MILR1: variants seen among roughly 807,000 people sequenced by gnomAD.
MILR1 encodes allergin-1.
In MILR1, 31 loss-of-function variants were observed where a neutral mutation model predicts 18.5. That is an observed-to-expected ratio of 1.68 (90% CI 1.26 to 2.26). The LOEUF is 2.26. Ranked by LOEUF, MILR1 falls within the 30% of genes most tolerant of loss-of-function variation. The pLI, the probability that MILR1 is intolerant of heterozygous loss-of-function variation, is 0.00. For missense variants in MILR1, 257 were observed against 157.4 expected, an observed-to-expected ratio of 1.63 and a Z score of -3.38; for synonymous variants, 85 against 56.2, an observed-to-expected ratio of 1.51 and a Z score of -2.30.
At chr17:64,460,489 C>T (rs993558610) in intron 4 of MILR1, among the ~76,000 whole-genome samples, 1 of 152,108 alleles carries the variant, frequency 6.6e-6, no homozygotes, top group Non-Finnish European at 1.5e-5. Context: ...AGGCACATGC[C>T]ATCACACCTG....
chr17:64,483,006 C>A, the MILR1 span: 1 of 1,508,134 alleles, frequency 6.6e-7, no homozygotes, highest in Non-Finnish European at 9.2e-7. Flanking sequence ...GTACCTAAGG[C>A]AATTAAATGG....
chr17:64,449,374 T>C lies in MILR1; in HGVS notation c.97+19T>C, dbSNP rs2037114039. Reference sequence around the variant, plus strand: ...ACAAATGGTAAGTTTCATTTACTTCTTTCTTATTGAAACCATTTTCACTGA... The same window carrying C: ...ACAAATGGTAAGTTTCATTTACTTCCTTCTTATTGAAACCATTTTCACTGA... On this transcript the variant is annotated intron_variant, in intron 2 of 9. Transcript: ENST00000619286. 2.2e-6 allele frequency: 1 copy of C among 459,592 alleles called. No individual in the cohort carries two copies. The highest frequency in any genetic ancestry group is 3.5e-5 in the Admixed American group (1 of 28,894). 28.5% of individuals were successfully genotyped at this position (459,592 alleles called of 1,614,324 possible).
chr17:64,479,053 C>G, the MILR1 span, among the ~76,000 whole-genome samples: 2 of 152,008 alleles, frequency 1.3e-5, no homozygotes, highest in African/African-American at 4.8e-5. Flanking sequence ...CCACATGGCT[C>G]AAAGGATAAG....
chr17:64,489,433 A>C, the MILR1 span, among the ~76,000 whole-genome samples: 17 of 152,110 alleles, frequency 1.1e-4, no homozygotes, highest in African/African-American at 4.1e-4. Context: ...TTTGAGCAAG[A>C]ATCATCAAGG....
chr17:64,483,094 A>T, the MILR1 span: 1 of 668,056 alleles, frequency 1.5e-6, no homozygotes, highest in Non-Finnish European at 2.7e-6. Flanking sequence ...CACAAGTATT[A>T]ACAAACAGTT....
chr17:64,488,290 C>T, the MILR1 span, among the ~76,000 whole-genome samples: 3 of 152,116 alleles, frequency 2.0e-5, no homozygotes, highest in Admixed American at 1.3e-4. Flanking sequence ...TATTTTATAA[C>T]ATGTTCAACT....
downstream of MILR1, among the ~76,000 whole-genome samples, chr17:64,472,465 CAAAAAAAAAAAAAAAAAAAA>C (rs71158332): frequency 2.2e-4 from 3 of 13,916 alleles, no homozygotes; most frequent in African/African-American, 5.0e-4. Flanking sequence ...GACTCCATCT[CAAAAAAAAAAAAAAAAAAAA>C]AAAAAAAAAA....
At chr17:64,463,695 A>G (rs1274951697) in intron 5 of MILR1, among the ~76,000 whole-genome samples, 1 of 151,890 alleles carries the variant, frequency 6.6e-6, no homozygotes, top group African/African-American at 2.4e-5. Flanking sequence ...TTTTTTTTAG[A>G]GATGGGGCTT....
intron 5 of MILR1, among the ~76,000 whole-genome samples, chr17:64,462,923 G>A (rs1213829222): frequency 1.3e-5 from 2 of 151,854 alleles, no homozygotes; most frequent in Admixed American, 1.3e-4. Flanking sequence ...ATTACGCCCG[G>A]CCCACAGTTA....
At chr17:64,484,358 G>A in the MILR1 span, 2 of 152,244 alleles carry the variant, frequency 1.3e-5, no homozygotes, top group Admixed American at 1.3e-4. Context: ...CAAATGACAG[G>A]GCTCTGAGCT....
Position 64,468,401 on chromosome 17 carries a change from G to A in MILR1, c.*120G>A. On this transcript the variant is annotated 3_prime_UTR_variant, in exon 10 of 10. Coordinates refer to ENST00000619286, the MANE Select transcript of MILR1 (RefSeq NM_001085423.2). ...TCTTCCCAGTTCAAGCGATTCTCATGCCTCGACCTCCCGAGTAGCTGGGAT... is the reference window on the plus strand; with the variant it reads ...TCTTCCCAGTTCAAGCGATTCTCATACCTCGACCTCCCGAGTAGCTGGGAT... The A allele has an allele frequency of 2.3e-6, 1 of 425,908 alleles. No individual in the cohort carries two copies. Among genetic ancestry groups the A allele is most frequent in the Non-Finnish European group, 4.7e-6 (1 of 214,956 alleles). The allele number at this position is 425,908 out of a possible 1,614,324, so 26.4% of individuals were successfully genotyped here.
Position 64,460,948 on chromosome 17 carries a change from C to T in MILR1, c.763+16C>T, listed in dbSNP as rs1380734069. 6.1e-5 allele frequency: 29 copies of T among 473,066 alleles called. No homozygotes were observed. The East Asian group carries it at 7.2e-4, about 12-fold the overall frequency. The allele number at this position is 473,066 out of a possible 1,614,324, so 29.3% of individuals were successfully genotyped here. A position where few individuals can be genotyped will look rare whatever the true frequency, so the allele number is the denominator to read the frequency against. ...TACAAAACAAGTAAGTTCTTTTAGT[C>T]GCTTTACCACCCGTTTTCCCGTGGG... On this transcript the variant is annotated intron_variant, in intron 5 of 9. Coordinates refer to ENST00000619286, the MANE Select transcript of MILR1 (RefSeq NM_001085423.2).
downstream of MILR1, among the ~76,000 whole-genome samples, chr17:64,473,071 C>A (rs1297075341): frequency 1.1e-4 from 17 of 152,026 alleles, no homozygotes; most frequent in Admixed American, 1.1e-3. Context: ...GTCTTTTGGC[C>A]GGGCGTGGTG....
chr17:64,495,068 C>T, the MILR1 span, among the ~76,000 whole-genome samples: 1 of 151,228 alleles, frequency 6.6e-6, no homozygotes, highest in Non-Finnish European at 1.5e-5. Context: ...GTCCCAGCTA[C>T]TCGGGAGGCT....
chr17:64,496,867 C>A, the MILR1 span: 1 of 1,613,750 alleles, frequency 6.2e-7, no homozygotes, highest in Non-Finnish European at 8.5e-7. Context: ...TACTCCTTTC[C>A]GTCAACAGCT....
intron 5 of MILR1, among the ~76,000 whole-genome samples, chr17:64,462,671 C>T (rs1433087886): frequency 3.4e-5 from 5 of 149,130 alleles, no homozygotes; most frequent in Non-Finnish European, 5.9e-5. Context: ...AATGGAGTCT[C>T]GCTCTGTTGC....
chr17:64,474,300 C>T, the MILR1 span, among the ~76,000 whole-genome samples: 15 of 152,178 alleles, frequency 9.9e-5, no homozygotes, highest in African/African-American at 3.1e-4. Flanking sequence ...ATCTTGAACT[C>T]TTGACCTCAA....
chr17:64,452,480 T>A, intron 2 of MILR1, 117 bp from the exon 3 acceptor site: 1 of 403,612 alleles, frequency 2.5e-6, no homozygotes, highest in East Asian at 3.6e-5. Flanking sequence ...ATCAAACTCA[T>A]GGCCTCAAGT....
the MILR1 span, chr17:64,497,112 A>G: frequency 4.8e-6 from 4 of 830,422 alleles, no homozygotes; most frequent in Non-Finnish European, 7.9e-6. Context: ...CCACCCCGGA[A>G]GCGCATGTCT....
Sources: gnomAD v4.1 joint callset for allele counts (sites outside exome capture counted in the v4.1 genomes callset) on GRCh38, gnomAD v4.1.1 for gene constraint, MANE v1.5 for transcripts, NCBI Gene and HGNC (gene_info 2026-07-23, HGNC 2026-07-21) for gene names.